WDFY4: variants seen among roughly 807,000 people sequenced by gnomAD.
The protein encoded by WDFY4 is WDFY family member 4.
WDFY4 carries 169 observed loss-of-function variants against 351.9 expected under a neutral mutation model. That is an observed-to-expected ratio of 0.48 (90% CI 0.42 to 0.55). WDFY4 has a LOEUF of 0.55. Among genes scored for constraint, WDFY4 ranks in the 20% least tolerant of loss-of-function variants. The pLI, the probability that WDFY4 is intolerant of heterozygous loss-of-function variation, is 0.00. For synonymous variants in WDFY4, 1,622 were observed against 1,574.6 expected, an observed-to-expected ratio of 1.03 and a Z score of -0.71; for missense variants, 3,803 against 3,935.6, an observed-to-expected ratio of 0.97 and a Z score of 0.90.
At chr10:48,698,104 C>A (rs894724241) in intron 1 of WDFY4, among the ~76,000 whole-genome samples, 15 of 152,310 alleles carry the variant, frequency 9.8e-5, no homozygotes, top group African/African-American at 2.9e-4. Flanking sequence ...TCTCGACAGG[C>A]CATCTCTTGG....
At chr10:48,964,910 T>C (rs1280991112) in intron 54 of WDFY4, among the ~76,000 whole-genome samples, 2 of 152,190 alleles carry the variant, frequency 1.3e-5, no homozygotes, top group Non-Finnish European at 2.9e-5. Flanking sequence ...CAGTTAGTGC[T>C]AAACTAACAT....
intron 8 of WDFY4, 89 bp downstream of exon 8, chr10:48,729,678 C>T (rs2132328374): frequency 6.8e-7 from 1 of 1,467,260 alleles, no homozygotes; most frequent in African/African-American, 1.4e-5. Context: ...TCTTTGTGTA[C>T]CTTTCAATGG....
At chr10:48,697,462 C>G (rs1342989872) in intron 1 of WDFY4, among the ~76,000 whole-genome samples, 1 of 152,202 alleles carries the variant, frequency 6.6e-6, no homozygotes, top group Non-Finnish European at 1.5e-5. Context: ...TGTTGGGGAA[C>G]CCGGCCTCCA....
chr10:48,712,207 A>G (rs537843316), intron 2 of WDFY4, among the ~76,000 whole-genome samples: 27 of 152,374 alleles, frequency 1.8e-4, no homozygotes, highest in Admixed American at 5.2e-4. Flanking sequence ...GTTACCAACT[A>G]TTGCTGAACC....
At chr10:48,773,870 T>C (rs1248700014) in intron 13 of WDFY4, among the ~76,000 whole-genome samples, 4 of 152,162 alleles carry the variant, frequency 2.6e-5, no homozygotes, top group African/African-American at 7.2e-5. Context: ...AGTCTTGTAC[T>C]CCCAGGCAGA....
At chr10:48,891,459 A>G (rs982090267) in intron 44 of WDFY4, among the ~76,000 whole-genome samples, 4 of 152,270 alleles carry the variant, frequency 2.6e-5, no homozygotes, top group Non-Finnish European at 4.4e-5. Context: ...TTTTGCCAAA[A>G]GTCCAGTTGT....
intron 39 of WDFY4, among the ~76,000 whole-genome samples, chr10:48,841,528 C>A (rs2068606822): frequency 6.6e-6 from 1 of 152,146 alleles, no homozygotes; most frequent in Non-Finnish European, 1.5e-5. Context: ...GGAGTATCAT[C>A]CATGACTTGC....
intron 7 of WDFY4, 108 bp downstream of exon 7, chr10:48,727,767 GC>G: frequency 7.4e-7 from 1 of 1,354,536 alleles, no homozygotes; most frequent in Non-Finnish European, 9.9e-7. Context: ...ATAGAACATG[GC>G]CAGAGAGACC....
chr10:48,747,013 T>G (rs1215754856), intron 12 of WDFY4, among the ~76,000 whole-genome samples: 1 of 152,244 alleles, frequency 6.6e-6, no homozygotes, highest in Non-Finnish European at 1.5e-5. Context: ...GGATTATTTT[T>G]TATCTACTCT....
chr10:48,828,628 A>C (rs2133046537), intron 36 of WDFY4, 150 bp from the exon 37 acceptor site: 1 of 512,356 alleles, frequency 2.0e-6, no homozygotes, highest in South Asian at 2.8e-5. Context: ...ATTTCTTATA[A>C]AGTGTTTGCT....
At chr10:48,700,637 C>A (rs926785888) in intron 1 of WDFY4, among the ~76,000 whole-genome samples, 1 of 152,248 alleles carries the variant, frequency 6.6e-6, no homozygotes, top group African/African-American at 2.4e-5. Flanking sequence ...CCCAGGGATG[C>A]TGCGCAAACG....
chr10:48,970,197 A>G lies in WDFY4; in HGVS notation c.8836A>G (p.Thr2946Ala), dbSNP rs1177214770. The G allele has an allele frequency of 3.9e-6, 6 of 1,551,700 alleles. No individual in the cohort carries two copies. The highest frequency in any genetic ancestry group is 1.7e-4 in the Middle Eastern group (1 of 5,994). The change falls in exon 57 of 62, where the codon ACA (threonine) becomes GCA (alanine). Residue 2946 changes from threonine (T) to alanine (A), a missense_variant. This residue lies in a region of WDFY4 where 3,054 missense variants were observed against 3,148.6 expected (regional missense o/e 0.97). Transcript: ENST00000325239. The part of the protein sequence containing the change: ...RCLCAVCPSP[T>A]TIVTSGTSTV... The stretch of plus-strand genomic sequence containing the variant: ...TCTGTGCGCCGTGTGCCCATCCCCA[A>G]CAACGATTGTCACCTCTGGGACCAG...
chr10:48,787,457 A>G (rs554449851), intron 20 of WDFY4, among the ~76,000 whole-genome samples: 1 of 152,328 alleles, frequency 6.6e-6, no homozygotes, highest in Non-Finnish European at 1.5e-5. Context: ...GAGCAATGGG[A>G]CGAGGTCAGG....
chr10:48,834,865 G>A (rs1486696305), intron 39 of WDFY4, among the ~76,000 whole-genome samples: 5 of 152,212 alleles, frequency 3.3e-5, no homozygotes, highest in Non-Finnish European at 7.3e-5. Context: ...CTGGGGACAT[G>A]CATTGAGCAA....
rs1035656972 is a variant in WDFY4, at chr10:48,970,222, G to A, written c.8861G>A (p.Ser2954Asn). Reference sequence around the variant, plus strand: ...ACAACGATTGTCACCTCTGGGACCAGCACTGTGGTGTGTGTGTGGGAGCTC... The same window carrying A: ...ACAACGATTGTCACCTCTGGGACCAACACTGTGGTGTGTGTGTGGGAGCTC... ...SPTTIVTSGTSTVVCVWELSM... is the reference protein window; with the variant it reads ...SPTTIVTSGTNTVVCVWELSM... Residue 2954 changes from serine (S) to asparagine (N), a missense_variant, in exon 57 of 62, where the codon AGC (serine) becomes AAC (asparagine). This residue lies in a region of WDFY4 where 3,054 missense variants were observed against 3,148.6 expected (regional missense o/e 0.97). Coordinates refer to ENST00000325239, the MANE Select transcript of WDFY4 (RefSeq NM_001394531.1). 4.6e-5 allele frequency: 72 copies of A among 1,551,594 alleles called. No homozygotes were observed. Among genetic ancestry groups the A allele is most frequent in the Non-Finnish European group, 5.9e-5 (68 of 1,147,010 alleles).
chr10:48,793,754 C>T (rs970662100), intron 23 of WDFY4, among the ~76,000 whole-genome samples: 2 of 152,134 alleles, frequency 1.3e-5, no homozygotes, highest in African/African-American at 2.4e-5. Context: ...GGAATGAATC[C>T]GTGAATGAAA....
intron 58 of WDFY4, among the ~76,000 whole-genome samples, chr10:48,976,369 CA>C (rs1227020678): frequency 6.6e-6 from 1 of 152,220 alleles, no homozygotes; most frequent in Non-Finnish European, 1.5e-5. Context: ...CACATGCAGT[CA>C]TTGGAACTTC....
chr10:48,740,575 C>G (rs1192285529), intron 11 of WDFY4, among the ~76,000 whole-genome samples: 2 of 152,234 alleles, frequency 1.3e-5, no homozygotes, highest in African/African-American at 4.8e-5. Context: ...GAGGAACCTA[C>G]TCCAACAATC....
intron 52 of WDFY4, among the ~76,000 whole-genome samples, chr10:48,959,097 A>T (rs1049021416): frequency 6.6e-6 from 1 of 152,238 alleles, no homozygotes; most frequent in African/African-American, 2.4e-5. Flanking sequence ...TTACAGGTGG[A>T]AAATGAATCT....
Sources: allele counts gnomAD v4.1 joint callset (sites outside exome capture counted in the v4.1 genomes callset), GRCh38; gene constraint gnomAD v4.1.1; regional missense constraint gnomAD v4.1.1; transcripts MANE v1.5; gene names NCBI Gene and HGNC (gene_info 2026-07-23, HGNC 2026-07-21).